Variants in MEIS2 observed in about 807,000 individuals in gnomAD.
MEIS2 encodes the protein Meis homeobox 2.
In MEIS2, 9 loss-of-function variants were observed where a neutral mutation model predicts 58.6. That is an observed-to-expected ratio of 0.15 (90% CI 0.09 to 0.27). The LOEUF (loss-of-function observed/expected upper bound fraction) is 0.27. Ranked by LOEUF, MEIS2 falls within the 10% of genes least tolerant of loss-of-function variation. MEIS2 has a pLI of 1.00. For missense variants in MEIS2, 427 were observed against 635.0 expected, an observed-to-expected ratio of 0.67 and a Z score of 3.52; for synonymous variants, 221 against 228.4, an observed-to-expected ratio of 0.97 and a Z score of 0.29.
chr15:36,901,744 T>C (rs2056484837), intron 9 of MEIS2, among the ~76,000 whole-genome samples: 1 of 152,224 alleles, frequency 6.6e-6, no homozygotes, highest in African/African-American at 2.4e-5. Context: ...TGAATATGGC[T>C]TGAATAATGG....
At chr15:36,972,446 T>C (rs765119840) in intron 8 of MEIS2, among the ~76,000 whole-genome samples, 2 of 152,148 alleles carry the variant, frequency 1.3e-5, no homozygotes, top group African/African-American at 2.4e-5. Context: ...ATGTTTATCA[T>C]GGCCTTCAAG....
chr15:37,025,870 G>A (rs2061684791), intron 8 of MEIS2, among the ~76,000 whole-genome samples: 1 of 151,822 alleles, frequency 6.6e-6, no homozygotes, highest in South Asian at 2.1e-4. Flanking sequence ...TGTTTTACTA[G>A]AAAACATAAA....
chr15:36,920,298 C>T (rs968810387), intron 9 of MEIS2, among the ~76,000 whole-genome samples: 6 of 152,156 alleles, frequency 3.9e-5, no homozygotes, highest in East Asian at 3.9e-4. Context: ...TACAGGCATG[C>T]GCCACCACGC....
At chr15:37,078,273 C>A (rs1007781913) in intron 7 of MEIS2, among the ~76,000 whole-genome samples, 5 of 151,690 alleles carry the variant, frequency 3.3e-5, no homozygotes, top group African/African-American at 1.2e-4. Context: ...TAACACTGGC[C>A]GTGAGTGGGA....
intron 9 of MEIS2, among the ~76,000 whole-genome samples, chr15:36,932,891 G>A (rs1021558458): frequency 3.3e-5 from 5 of 152,160 alleles, no homozygotes; most frequent in Admixed American, 6.5e-5. Context: ...CCTCTTGCTA[G>A]AAAGAGATTA....
chr15:37,039,640 GATTGA>G (rs1428218746), intron 7 of MEIS2, among the ~76,000 whole-genome samples: 9 of 152,162 alleles, frequency 5.9e-5, no homozygotes, highest in African/African-American at 2.2e-4. Context: ...AATATAGCTA[GATTGA>G]GCATCCTTTG....
chr15:37,008,235 G>A (rs771331023), intron 8 of MEIS2, among the ~76,000 whole-genome samples: 3 of 152,112 alleles, frequency 2.0e-5, no homozygotes, highest in Non-Finnish European at 2.9e-5. Context: ...AATGAACTTG[G>A]CGTTACATTT....
At chr15:37,070,669 T>C (rs561808443) in intron 7 of MEIS2, among the ~76,000 whole-genome samples, 13 of 152,292 alleles carry the variant, frequency 8.5e-5, no homozygotes, top group African/African-American at 3.1e-4. Context: ...CATAGTTTTC[T>C]AAATATTGAA....
intron 9 of MEIS2, among the ~76,000 whole-genome samples, chr15:36,907,643 C>G (rs985022635): frequency 1.3e-5 from 2 of 152,150 alleles, no homozygotes; most frequent in Non-Finnish European, 2.9e-5. Flanking sequence ...GGCCCTTTAT[C>G]AATACCACCG....
At chr15:36,900,367 G>A (rs1379619840) in intron 9 of MEIS2, among the ~76,000 whole-genome samples, 1 of 152,092 alleles carries the variant, frequency 6.6e-6, no homozygotes, top group Non-Finnish European at 1.5e-5. Context: ...TAGTTCCATT[G>A]ATTTGTATTG....
chr15:36,894,671 GTC>G (rs2056073968), intron 11 of MEIS2: 1 of 1,429,230 alleles, frequency 7.0e-7, no homozygotes, highest in Non-Finnish European at 9.8e-7. Flanking sequence ...ATAAAATAAA[GTC>G]TCTGAAGTGA....
intron 7 of MEIS2, among the ~76,000 whole-genome samples, chr15:37,050,588 C>T (rs567007371): frequency 2.6e-5 from 4 of 152,104 alleles, no homozygotes; most frequent in Admixed American, 6.5e-5. Flanking sequence ...ATCCGACATA[C>T]TTTTCTAAAT....
At chr15:36,951,026 A>G (rs1003717908) in intron 8 of MEIS2, among the ~76,000 whole-genome samples, 4 of 152,176 alleles carry the variant, frequency 2.6e-5, no homozygotes, top group African/African-American at 9.6e-5. Flanking sequence ...GTCACACCCA[A>G]TGATCACACA....
At chr15:37,019,437 T>A (rs2061450054) in intron 8 of MEIS2, among the ~76,000 whole-genome samples, 1 of 152,194 alleles carries the variant, frequency 6.6e-6, no homozygotes, top group Non-Finnish European at 1.5e-5. Flanking sequence ...GCTATGTCAA[T>A]GGAATATGCA....
At chr15:36,921,370 C>T (rs549061410) in intron 9 of MEIS2, among the ~76,000 whole-genome samples, 2 of 152,294 alleles carry the variant, frequency 1.3e-5, no homozygotes, top group South Asian at 4.1e-4. Flanking sequence ...GGGACAGCCA[C>T]CCAGCTTGTG....
At chr15:37,041,694 G>A (rs1229621548) in intron 7 of MEIS2, among the ~76,000 whole-genome samples, 1 of 152,140 alleles carries the variant, frequency 6.6e-6, no homozygotes. Context: ...CACACTATGA[G>A]AGGATCCTCA....
chr15:36,979,427 C>T (rs949548893), intron 8 of MEIS2, among the ~76,000 whole-genome samples: 92 of 152,210 alleles, frequency 6.0e-4, no homozygotes, highest in African/African-American at 2.1e-3. Context: ...AAGTGTCCCT[C>T]TCCACATCTT....
chr15:37,096,259 C>A, intron 3 of MEIS2, 30 bp downstream of exon 3: 5 of 1,562,744 alleles, frequency 3.2e-6, no homozygotes, highest in Non-Finnish European at 4.3e-6. Flanking sequence ...GAGGGACTGC[C>A]CGAAGTTGAG....
chr15:36,968,656 T>C (rs532374994), intron 8 of MEIS2, among the ~76,000 whole-genome samples: 1 of 152,350 alleles, frequency 6.6e-6, no homozygotes, highest in Non-Finnish European at 1.5e-5. Context: ...TTAAGGAAGC[T>C]GATGAAGTGG....
Sources: allele counts gnomAD v4.1 joint callset (sites outside exome capture counted in the v4.1 genomes callset), GRCh38; gene constraint gnomAD v4.1.1; transcripts MANE v1.5; gene names NCBI Gene and HGNC (gene_info 2026-07-23, HGNC 2026-07-21).